The following CEP44 variants were observed in gnomAD, a reference collection of about 807,000 sequenced individuals.
CEP44 encodes the protein centrosomal protein of 44 kDa.
CEP44 carries 45 observed loss-of-function variants against 46.7 expected under a neutral mutation model. The ratio of observed to expected loss-of-function variants is 0.96; its 90% CI spans 0.76 to 1.24. The LOEUF (loss-of-function observed/expected upper bound fraction) is 1.24. Among genes scored for constraint, CEP44 ranks in the 50% most tolerant of loss-of-function variants. CEP44 has a pLI of 0.00. For synonymous variants in CEP44, 142 were observed against 146.0 expected, an observed-to-expected ratio of 0.97 and a Z score of 0.20; for missense variants, 475 against 459.7, an observed-to-expected ratio of 1.03 and a Z score of -0.30.
At position 174,287,930 on chromosome 4, in the gene CEP44, C is replaced by T. The variant is rs540710909; in HGVS notation, c.-148+3987C>T. On this transcript the variant is annotated intron_variant, in intron 1 of 11. Transcript: ENST00000503780. The surrounding 1 kb of genome is among the most constrained non-coding windows in gnomAD (Gnocchi z 5.1). ...TCTCTTCTTGCATCTGCTAACTGAA[C>T]GAGAAAATTCTGTGTGTGAGAATGG... Among the ~76,000 whole-genome samples the T allele has an allele frequency of 2.6e-5, 4 of 152,168 alleles. No homozygotes were observed. The highest frequency in any genetic ancestry group is 4.4e-5 in the Non-Finnish European group (3 of 68,014).
rs34842155 is a variant in CEP44 at position 174,317,587 on chromosome 4, C to CT, written c.*217dup. 0.099 allele frequency: 74,553 copies of CT among 752,658 alleles called. No individual in the cohort carries two copies. The highest frequency in any genetic ancestry group is 0.11 in the Non-Finnish European group (65,280 of 597,052). 46.6% of individuals were successfully genotyped at this position (752,658 alleles called of 1,614,324 possible). On this transcript the variant is annotated 3_prime_UTR_variant, in exon 12 of 12. Coordinates refer to ENST00000503780, the MANE Select transcript of CEP44 (RefSeq NM_001040157.3). ...GATTATACTGCTTTACCTTGTGTCA[C>CT]TTTTTTTTTTTTTAGGAAAAACTCA...
intron 8 of CEP44, among the ~76,000 whole-genome samples, chr4:174,327,143 A>G (rs926914127): frequency 6.7e-6 from 1 of 149,222 alleles, no homozygotes; most frequent in Non-Finnish European, 1.5e-5. Flanking sequence ...TATAAGTAGT[A>G]TGTGTGTATA....
chr4:174,329,837 AGATGAGTTTG>A lies in CEP44; in HGVS notation c.1087-1636_1087-1627del, dbSNP rs1731220953. Among the ~76,000 whole-genome samples, 2 of 152,190 alleles carry A rather than the reference AGATGAGTTTG, an allele frequency of 1.3e-5. No homozygotes were observed. The highest frequency in any genetic ancestry group is 6.5e-5 in the Admixed American group (1 of 15,276). ...CTGAACTGTCTTGTTAAATTTTTAA[AGATGAGTTTG>A]GATGAGTTGCAAATAACATCCTCTA... is the stretch of plus-strand genomic sequence containing the variant. On this transcript the variant is annotated intron_variant, in intron 8 of 8. Coordinates refer to the CEP44 transcript ENST00000426172. This position sits in a 1 kb window ranked among gnomAD's most constrained non-coding sequence, Gnocchi z 4.0.
intron 8 of CEP44, among the ~76,000 whole-genome samples, chr4:174,330,266 ATCACCCGAGC>A (rs1731248499): frequency 6.6e-6 from 1 of 152,170 alleles, no homozygotes; most frequent in African/African-American, 2.4e-5. Flanking sequence ...AAGTGGGTGG[ATCACCCGAGC>A]TCAGGAGTTC....
intron 1 of CEP44, among the ~76,000 whole-genome samples, chr4:174,285,272 G>T (rs181969634): frequency 6.6e-6 from 1 of 152,146 alleles, no homozygotes; most frequent in African/African-American, 2.4e-5. Flanking sequence ...GTAATAGATT[G>T]GCTTCTTTTA....
At position 174,287,234 on chromosome 4, in the gene CEP44, G is replaced by A. The variant is rs1737673516; in HGVS notation, c.-148+3291G>A. Among the ~76,000 whole-genome samples the A allele has an allele frequency of 6.6e-6, 1 of 152,156 alleles. No individual in the cohort carries two copies. The highest frequency in any genetic ancestry group is 2.4e-5 in the African/African-American group (1 of 41,448). Reference sequence around the variant, plus strand: ...AGAGCTGAGAAATGACAAGGATTAAGTGTTGCTTTTCAGGTAGAGTGCTAT... The same window carrying A: ...AGAGCTGAGAAATGACAAGGATTAAATGTTGCTTTTCAGGTAGAGTGCTAT... On this transcript the variant is annotated intron_variant, in intron 1 of 11. Coordinates refer to ENST00000503780, the MANE Select transcript of CEP44 (RefSeq NM_001040157.3). This position sits in a 1 kb window ranked among gnomAD's most constrained non-coding sequence, Gnocchi z 5.1.
chr4:174,310,087 TCTC>T lies in CEP44; in HGVS notation c.885+32_885+34del, dbSNP rs1196278253. 51 of 1,578,154 alleles carry T rather than the reference TCTC, an allele frequency of 3.2e-5. No individual in the cohort carries two copies. The highest frequency in any genetic ancestry group is 4.2e-5 in the Non-Finnish European group (49 of 1,163,816). On this transcript the variant is annotated intron_variant, in intron 8 of 11. Coordinates refer to ENST00000503780, the MANE Select transcript of CEP44 (RefSeq NM_001040157.3). This position sits in a 1 kb window ranked among gnomAD's most constrained non-coding sequence, Gnocchi z 4.2. The stretch of plus-strand genomic sequence containing the variant: ...TTCCTCCTTTAACATTTATAAAATA[TCTC>T]AGATATAACAAAGTTTTTTTTTGAT...
rs56201469 is a variant in CEP44, at chr4:174,291,787, C to CTTTTTTTTTTTTTTTTTTTTTTTTTTTT, written c.-147-6154_-147-6153insTTTTTTTTTTTTTTTTTTTTTTTTTTTT. On this transcript the variant is annotated intron_variant, in intron 1 of 11. Coordinates refer to ENST00000503780, the MANE Select transcript of CEP44 (RefSeq NM_001040157.3). ...CTTTATTCTTTTATCTTTTTCTTTT[C>CTTTTTTTTTTTTTTTTTTTTTTTTTTTT]TTTTTTTTTTTTTTTTTTTTTTTTT... 5.0e-4 allele frequency among the ~76,000 whole-genome samples: 23 copies of CTTTTTTTTTTTTTTTTTTTTTTTTTTTT among 46,408 alleles called. 1 individual carries two copies. The highest frequency in any genetic ancestry group is 5.8e-4 in the Non-Finnish European group (15 of 25,894). 30.4% of individuals were successfully genotyped at this position (46,408 alleles called of 152,430 possible).
chr4:174,324,479 A>G (rs763583257), downstream of CEP44, among the ~76,000 whole-genome samples: 9 of 152,084 alleles, frequency 5.9e-5, no homozygotes, highest in Non-Finnish European at 1.3e-4. Context: ...TCTTTTCCAA[A>G]CTGGCTGGCC....
In CEP44 at chr4:174,310,841, TG is replaced by T; in HGVS notation, c.946del (p.Asp316ThrfsTer3). On this transcript the variant is annotated frameshift_variant, in exon 9 of 12. Transcript: ENST00000503780. LOFTEE classifies it high-confidence loss of function. The surrounding 1 kb of genome is among the most constrained non-coding windows in gnomAD (Gnocchi z 4.2). ...GAAGACTACGCTTCTTGTAGTGACA[TG>T]GACCTTCTGAATCCTCGTAAGTTTG... ...VSEDYASCSD[M>X]DLLNPHRKSE... The T allele has an allele frequency of 6.7e-7, 1 of 1,499,802 alleles. No homozygotes were observed. The highest frequency in any genetic ancestry group is 1.2e-5 in the South Asian group (1 of 83,928). 92.9% of individuals were successfully genotyped at this position (1,499,802 alleles called of 1,614,324 possible). A position where few individuals can be genotyped will look rare whatever the true frequency, so the allele number is the denominator to read the frequency against.
rs1731293423 is a variant in CEP44, at chr4:174,331,036, G to A, written c.1087-446G>A. 6.6e-6 allele frequency among the ~76,000 whole-genome samples: 1 copy of A among 151,994 alleles called. No homozygotes were observed. The highest frequency in any genetic ancestry group is 1.5e-5 in the Non-Finnish European group (1 of 67,974). On this transcript the variant is annotated intron_variant, in intron 8 of 8. Coordinates refer to the CEP44 transcript ENST00000426172. The surrounding 1 kb of genome is among the most constrained non-coding windows in gnomAD (Gnocchi z 4.5). ...GCTTTCAGGATATGCAGTGGTTAAG[G>A]CACTTGATATCTACTGATGTCTTTA...
intron 1 of CEP44, among the ~76,000 whole-genome samples, chr4:174,291,649 G>A (rs1466247623): frequency 6.6e-6 from 1 of 151,838 alleles, no homozygotes; most frequent in Non-Finnish European, 1.5e-5. Flanking sequence ...CATACTGTTG[G>A]TTTAGTATCT....
chr4:174,307,929 ATGAC>A (rs1281406963), intron 6 of CEP44, among the ~76,000 whole-genome samples: 5 of 152,174 alleles, frequency 3.3e-5, no homozygotes. Context: ...GCTTCTCAGA[ATGAC>A]TATTATTAAA....
intron 1 of CEP44, among the ~76,000 whole-genome samples, chr4:174,295,552 C>T (rs1738892311): frequency 6.7e-6 from 1 of 149,616 alleles, no homozygotes; most frequent in Admixed American, 6.6e-5. Context: ...GATGGGCGGC[C>T]AGGCAGAGAC....
At chr4:174,315,006 A>G (rs1327895271) in intron 9 of CEP44, among the ~76,000 whole-genome samples, 1 of 152,184 alleles carries the variant, frequency 6.6e-6, no homozygotes, top group Non-Finnish European at 1.5e-5. Flanking sequence ...CATGTGGTGG[A>G]AGTTTACGCT....
At chr4:174,316,589 C>T (rs932471577) in intron 11 of CEP44, 22 bp downstream of exon 11, 4 of 1,576,402 alleles carry the variant, frequency 2.5e-6, no homozygotes, top group Admixed American at 1.8e-5. Flanking sequence ...AAAGGGGCAA[C>T]AGAAATTCAT....
intron 7 of CEP44, 61 bp downstream of exon 7, chr4:174,308,920 T>G: frequency 7.2e-7 from 1 of 1,391,318 alleles, no homozygotes; most frequent in Non-Finnish European, 1.0e-6. Context: ...TGTGTAATTA[T>G]TTCAGCCTCT....
chr4:174,304,166 AT>A, intron 5 of CEP44, 80 bp from the exon 6 acceptor site: 1 of 1,430,770 alleles, frequency 7.0e-7, no homozygotes, highest in East Asian at 2.5e-5. Flanking sequence ...ATATATGAAA[AT>A]TTAAATGTTA....
Position 174,304,235 on chromosome 4 carries a change from C to T in CEP44, c.385-12C>T. On this transcript the variant is annotated splice_polypyrimidine_tract_variant and intron_variant, in intron 5 of 11. Coordinates refer to ENST00000503780, the MANE Select transcript of CEP44 (RefSeq NM_001040157.3). ...CAAAATTTGTTATTTTGACTAATAC[C>T]TTTTTTTTTAGATTCCATCACAACA... 5 of 1,545,964 alleles carry T rather than the reference C, an allele frequency of 3.2e-6. No individual in the cohort carries two copies. Among genetic ancestry groups the T allele is most frequent in the East Asian group, 2.3e-5 (1 of 42,808 alleles).
Sources: gnomAD v4.1 joint callset for allele counts (sites outside exome capture counted in the v4.1 genomes callset) on GRCh38, gnomAD v4.1.1 for gene constraint, Gnocchi (gnomAD v3.1) non-coding constraint, MANE v1.5 for transcripts, NCBI Gene and HGNC (gene_info 2026-07-23, HGNC 2026-07-21) for gene names.